TBX15: variants seen among roughly 807,000 people sequenced by gnomAD.
TBX15 encodes the protein T-box transcription factor TBX15.
TBX15 carries 18 observed loss-of-function variants against 53.9 expected under a neutral mutation model. The ratio of observed to expected loss-of-function variants is 0.33; its 90% CI spans 0.23 to 0.49. TBX15 has a LOEUF of 0.49. Among genes scored for constraint, TBX15 ranks in the 20% least tolerant of loss-of-function variants. The pLI is 0.98. For synonymous variants in TBX15, 295 were observed against 278.0 expected, an observed-to-expected ratio of 1.06 and a Z score of -0.61; for missense variants, 692 against 749.5, an observed-to-expected ratio of 0.92 and a Z score of 0.90.
intron 6 of TBX15, among the ~76,000 whole-genome samples, chr1:118,904,072 G>A (rs1654727236): frequency 6.6e-6 from 1 of 152,150 alleles, no homozygotes; most frequent in Admixed American, 6.5e-5. Flanking sequence ...GAGAAGGCAT[G>A]TTTTGGGGAC....
chr1:118,963,887 T>C (rs1467715982), intron 1 of TBX15, among the ~76,000 whole-genome samples: 2 of 152,220 alleles, frequency 1.3e-5, no homozygotes, highest in Non-Finnish European at 2.9e-5. Context: ...TTAGAACACA[T>C]GCTTTTGGAG....
intron 7 of TBX15, among the ~76,000 whole-genome samples, chr1:118,892,498 G>A (rs1410902054): frequency 6.6e-6 from 1 of 152,134 alleles, no homozygotes; most frequent in Non-Finnish European, 1.5e-5. Flanking sequence ...AGACATCAAA[G>A]TCAAAGTGGC....
At chr1:118,888,567 A>G (rs1654027386) in intron 7 of TBX15, among the ~76,000 whole-genome samples, 1 of 152,200 alleles carries the variant, frequency 6.6e-6, no homozygotes, top group African/African-American at 2.4e-5. Context: ...TTTCCACTCC[A>G]AATGCTATGA....
intron 1 of TBX15, among the ~76,000 whole-genome samples, chr1:118,962,696 ACTCT>A (rs113246769): frequency 2.6e-5 from 4 of 152,194 alleles, no homozygotes; most frequent in South Asian, 2.1e-4. Context: ...GATTTAAGGG[ACTCT>A]CTCTACCCCT....
rs536405796 is a variant in TBX15 at position 118,910,160 on chromosome 1, A to G, written c.926+3955T>C. ...GGGATTGAGATTGACAAACCTGAAC[A>G]TGTTTTGGTTTGAGGTTTGGCAAAC... On this transcript the variant is annotated intron_variant, in intron 6 of 7. Transcript: ENST00000369429. 4.9e-4 allele frequency among the ~76,000 whole-genome samples: 75 copies of G among 152,224 alleles called. 1 individual carries two copies. In the South Asian group the frequency reaches 0.015, roughly 31 times the overall value.
intron 3 of TBX15, among the ~76,000 whole-genome samples, chr1:118,926,019 A>G (rs1358293974): frequency 6.6e-6 from 1 of 152,152 alleles, no homozygotes; most frequent in African/African-American, 2.4e-5. Flanking sequence ...CTCACAACCC[A>G]TATCAATGAA....
intron 3 of TBX15, among the ~76,000 whole-genome samples, chr1:118,926,136 C>A (rs1015020850): frequency 6.6e-6 from 1 of 152,160 alleles, no homozygotes; most frequent in Non-Finnish European, 1.5e-5. Context: ...TTTTAATATG[C>A]CTTATTGTTC....
chr1:118,956,796 A>T (rs1452512114), intron 1 of TBX15, among the ~76,000 whole-genome samples: 1 of 151,846 alleles, frequency 6.6e-6, no homozygotes, highest in Non-Finnish European at 1.5e-5. Context: ...ACTAAAAAAA[A>T]AAAAAATTAG....
chr1:118,905,851 C>T (rs1393327595), intron 6 of TBX15, among the ~76,000 whole-genome samples: 1 of 152,212 alleles, frequency 6.6e-6, no homozygotes, highest in African/African-American at 2.4e-5. Context: ...GGTCAGTTCA[C>T]TGGCTCTAAG....
At chr1:118,893,732 C>A (rs1654299899) in intron 7 of TBX15, among the ~76,000 whole-genome samples, 1 of 151,944 alleles carries the variant, frequency 6.6e-6, no homozygotes, top group South Asian at 2.1e-4. Flanking sequence ...TTTTTCTTTT[C>A]TAATCATCAT....
At chr1:118,950,772 C>CA (rs1405753511) in intron 1 of TBX15, among the ~76,000 whole-genome samples, 1 of 152,100 alleles carries the variant, frequency 6.6e-6, no homozygotes, top group Non-Finnish European at 1.5e-5. Context: ...AAGACCATCA[C>CA]AAAAAAGGAA....
chr1:118,971,466 A>G (rs750324632), intron 1 of TBX15, among the ~76,000 whole-genome samples: 4 of 152,220 alleles, frequency 2.6e-5, no homozygotes, highest in Non-Finnish European at 5.9e-5. Flanking sequence ...AGTTTTACAA[A>G]TGTTAACTGA....
intron 5 of TBX15, among the ~76,000 whole-genome samples, chr1:118,916,697 C>T (rs2101571574): frequency 6.6e-6 from 1 of 152,052 alleles, no homozygotes; most frequent in East Asian, 1.9e-4. Flanking sequence ...AACACCATCT[C>T]TACTTAAAAA....
chr1:118,964,609 T>C (rs12021544), intron 1 of TBX15, among the ~76,000 whole-genome samples: 28,008 of 152,222 alleles, frequency 0.18, 3,215 homozygotes, highest in East Asian at 0.5. Flanking sequence ...GCAGGGACTA[T>C]TCCTTACTCA....
chr1:118,950,978 C>T lies in TBX15; in HGVS notation c.206-19146G>A, dbSNP rs913429689. ...TCCGAAAAGACACTGGCATCTACTGCCCCCAAAAGAGCAATGCAGAAGAAC... is the reference window on the plus strand; with the variant it reads ...TCCGAAAAGACACTGGCATCTACTGTCCCCAAAAGAGCAATGCAGAAGAAC... On this transcript the variant is annotated intron_variant, in intron 1 of 7. Transcript: ENST00000369429. Among the ~76,000 whole-genome samples, 3 of 152,120 alleles carry T rather than the reference C, an allele frequency of 2.0e-5. No individual in the cohort carries two copies. The East Asian group carries it at 5.8e-4, about 29-fold the overall frequency.
intron 7 of TBX15, among the ~76,000 whole-genome samples, chr1:118,898,707 T>TA (rs1654512386): frequency 1.3e-5 from 2 of 152,190 alleles, no homozygotes; most frequent in South Asian, 4.2e-4. Context: ...ATGAAGTTAT[T>TA]AAAAAAATCT....
chr1:118,920,338 T>C (rs1655385065), intron 5 of TBX15, among the ~76,000 whole-genome samples: 1 of 152,180 alleles, frequency 6.6e-6, no homozygotes, highest in African/African-American at 2.4e-5. Flanking sequence ...TGGTAGGGAA[T>C]GGTATTTTCA....
chr1:118,931,569 T>C (rs1655780671), intron 2 of TBX15, 50 bp downstream of exon 2: 1 of 1,598,794 alleles, frequency 6.3e-7, no homozygotes, highest in Non-Finnish European at 8.6e-7. Flanking sequence ...TAATGGCTCC[T>C]ACTTCTGCAA....
At position 118,885,190 on chromosome 1, in the gene TBX15, G is replaced by T. The variant is rs1434425472; in HGVS notation, c.1351C>A (p.Pro451Thr). 6.2e-7 allele frequency: 1 copy of T among 1,614,090 alleles called. No individual in the cohort carries two copies. The highest frequency in any genetic ancestry group is 2.2e-5 in the East Asian group (1 of 44,880). Residue 451 changes from proline (P) to threonine (T), a missense_variant, in exon 8 of 8, where the codon CCA (proline) becomes ACA (threonine). Physicochemically the swap from Pro to Thr is conservative, Grantham distance 38. Around this residue, in one of 3 missense-constraint regions of TBX15, gnomAD observed 375 missense variants for 371.6 expected, o/e 1.01. Coordinates refer to ENST00000369429, the MANE Select transcript of TBX15 (RefSeq NM_001330677.2). ...TTGCCAGGCAACGAGGGAGGAGTTG[G>T]TATTCCTGAGATCAGGGATGGAGTC... is the stretch of plus-strand genomic sequence containing the variant. ...QRTPSLISGI[P>T]TPPSLPGNSK...
Sources: allele counts gnomAD v4.1 joint callset (sites outside exome capture counted in the v4.1 genomes callset), GRCh38; gene constraint gnomAD v4.1.1; regional missense constraint gnomAD v4.1.1; transcripts MANE v1.5; gene names NCBI Gene and HGNC (gene_info 2026-07-23, HGNC 2026-07-21).